The following ARPC3 variants were observed in gnomAD, a reference collection of about 807,000 sequenced individuals.
ARPC3 encodes actin related protein 2/3 complex subunit 3, also known as actin-related protein 2/3 complex subunit 3.
In ARPC3, 12 loss-of-function variants were observed where a neutral mutation model predicts 27.6. The observed-to-expected ratio is 0.43, with a 90% CI of 0.28 to 0.70. ARPC3 has a LOEUF of 0.70. Among genes scored for constraint, ARPC3 ranks in the 30% least tolerant of loss-of-function variants. ARPC3 has a pLI of 0.17. For synonymous variants in ARPC3, 53 were observed against 67.2 expected, an observed-to-expected ratio of 0.79 and a Z score of 1.03; for missense variants, 153 against 207.7, an observed-to-expected ratio of 0.74 and a Z score of 1.62.
At chr12:110,448,463 G>A (rs971554478) in intron 1 of ARPC3, among the ~76,000 whole-genome samples, 3 of 151,928 alleles carry the variant, frequency 2.0e-5, no homozygotes, top group African/African-American at 7.3e-5. Flanking sequence ...GACTGCTTGA[G>A]CCCAGAAGTT....
chr12:110,445,332 A>T (rs2062458242), intron 2 of ARPC3, 120 bp downstream of exon 2: 4 of 786,920 alleles, frequency 5.1e-6, no homozygotes, highest in Middle Eastern at 3.5e-4. Flanking sequence ...GTATCTACCA[A>T]GCAAAGTACA....
At chr12:110,442,479 G>A (rs1276354467) in intron 2 of ARPC3, among the ~76,000 whole-genome samples, 1 of 152,020 alleles carries the variant, frequency 6.6e-6, no homozygotes, top group Non-Finnish European at 1.5e-5. Context: ...ATGGTGGTAC[G>A]TGCCTGTAAT....
intron 2 of ARPC3, among the ~76,000 whole-genome samples, chr12:110,441,565 CTG>C (rs2062437843): frequency 6.6e-6 from 1 of 152,060 alleles, no homozygotes. Flanking sequence ...AGGTCTTGCT[CTG>C]TTACCCGGGC....
chr12:110,440,612 T>C (rs1284609327), intron 2 of ARPC3: 7 of 432,720 alleles, frequency 1.6e-5, no homozygotes, highest in African/African-American at 4.1e-5. Context: ...AGTGGCGTGA[T>C]CTTGGCTCAC....
intron 1 of ARPC3, among the ~76,000 whole-genome samples, chr12:110,447,502 G>T (rs979784825): frequency 6.6e-6 from 1 of 151,898 alleles, no homozygotes; most frequent in Non-Finnish European, 1.5e-5. Flanking sequence ...GGGATGGGCG[G>T]GGTGGCTCAC....
rs2062406171 is a variant in ARPC3 at position 110,436,687 on chromosome 12, G to GAGA, written c.253-5_253-4insTCT. The GAGA allele has an allele frequency of 1.3e-6, 1 of 783,966 alleles. No homozygotes were observed. The highest frequency in any genetic ancestry group is 2.7e-5 in the African/African-American group (1 of 36,476). 48.6% of individuals were successfully genotyped at this position (783,966 alleles called of 1,614,324 possible). A position where few individuals can be genotyped will look rare whatever the true frequency, so the allele number is the denominator to read the frequency against. ...CACCTTGGCTTTTGGAATTGCACTGGAAAAAAAAATATATATATATATATA... is the reference window on the plus strand; with the variant it reads ...CACCTTGGCTTTTGGAATTGCACTGGAGAAAAAAAAAATATATATATATATATA... On this transcript the variant is annotated splice_polypyrimidine_tract_variant and splice_region_variant and intron_variant, in intron 4 of 6. Transcript: ENST00000228825.
At chr12:110,436,915 C>T (rs2062409466) in intron 4 of ARPC3, 169 bp downstream of exon 4, 3 of 688,716 alleles carry the variant, frequency 4.4e-6, no homozygotes, top group African/African-American at 3.6e-5. Flanking sequence ...GTCAATTATA[C>T]TACAAGTTCA....
rs374261283 is a variant in ARPC3 at position 110,436,645 on chromosome 12, C to A, written c.291G>T (p.Thr97=). 18 of 1,587,264 alleles carry A rather than the reference C, an allele frequency of 1.1e-5. No homozygotes were observed. Among genetic ancestry groups the A allele is most frequent in the Non-Finnish European group, 1.5e-5 (17 of 1,165,578 alleles). ...SKSQGEKEMY[T]LGITNFPIPG... ...GAATGGGAAAATTAGTGATTCCCAG[C>A]GTATACATTTCTTTCTCACCTTGGC... The change falls in exon 5 of 7, where the codon ACG becomes ACT. Residue 97 remains threonine (T), a synonymous_variant. Transcript: ENST00000228825.
At position 110,442,465 on chromosome 12, in the gene ARPC3, G is replaced by A. The variant is rs572712898; in HGVS notation, c.107-2077C>T. Among the ~76,000 whole-genome samples the A allele has an allele frequency of 2.2e-4, 34 of 151,962 alleles. No individual in the cohort carries two copies. In the South Asian group the frequency reaches 5.6e-3, roughly 25 times the overall value. On this transcript the variant is annotated intron_variant, in intron 2 of 6. Transcript: ENST00000228825. ...TCTACTAAAAATACAAAAACTAGCCGGGCATGGTGGTACGTGCCTGTAATC... is the reference window on the plus strand; with the variant it reads ...TCTACTAAAAATACAAAAACTAGCCAGGCATGGTGGTACGTGCCTGTAATC...
intron 3 of ARPC3, among the ~76,000 whole-genome samples, chr12:110,439,688 G>T (rs374085786): frequency 3.0e-4 from 46 of 152,280 alleles, no homozygotes; most frequent in African/African-American, 1.0e-3. Flanking sequence ...CAAAAAATTA[G>T]CCAGGTGTGG....
intron 2 of ARPC3, among the ~76,000 whole-genome samples, chr12:110,443,311 G>A (rs1308656867): frequency 6.6e-6 from 1 of 151,942 alleles, no homozygotes; most frequent in Non-Finnish European, 1.5e-5. Flanking sequence ...GTAGAGATGG[G>A]GTTTCACCGT....
intron 6 of ARPC3, among the ~76,000 whole-genome samples, chr12:110,435,734 T>C (rs2062399949): frequency 2.0e-5 from 3 of 152,040 alleles, no homozygotes; most frequent in African/African-American, 2.4e-5. Flanking sequence ...AGCGACTCTC[T>C]TGTCTCAGCC....
intron 3 of ARPC3, among the ~76,000 whole-genome samples, chr12:110,439,912 T>C (rs968040598): frequency 6.7e-6 from 1 of 149,092 alleles, no homozygotes; most frequent in African/African-American, 2.5e-5. Context: ...TAGCAAGGGG[T>C]TGGCAAACTT....
At chr12:110,449,293 T>A (rs2062485549) in intron 1 of ARPC3, among the ~76,000 whole-genome samples, 3 of 151,918 alleles carry the variant, frequency 2.0e-5, no homozygotes, top group Admixed American at 2.0e-4. Flanking sequence ...CTGGGCGCGA[T>A]GGCTCACGCT....
At chr12:110,440,570 A>G (rs1020112505) in intron 2 of ARPC3, 182 bp from the exon 3 acceptor site, 1 of 545,630 alleles carries the variant, frequency 1.8e-6, no homozygotes. Context: ...TTTTTGAGAC[A>G]GAGTCTCGCT....
chr12:110,447,131 G>C (rs1419538692), intron 1 of ARPC3, among the ~76,000 whole-genome samples: 2 of 152,130 alleles, frequency 1.3e-5, no homozygotes, highest in Non-Finnish European at 2.9e-5. Flanking sequence ...TATCTTTTCA[G>C]CTCTGCCACT....
At chr12:110,445,387 T>C (rs909256628) in intron 2 of ARPC3, 65 bp downstream of exon 2, 12 of 1,270,744 alleles carry the variant, frequency 9.4e-6, no homozygotes, top group South Asian at 1.2e-5. Flanking sequence ...TTTTCTGATT[T>C]GATCATTTCA....
Position 110,438,426 on chromosome 12 carries a change from T to C in ARPC3, c.184-1274A>G, listed in dbSNP as rs372759023. Among the ~76,000 whole-genome samples, 7 of 150,598 alleles carry C rather than the reference T, an allele frequency of 4.6e-5. No homozygotes were observed. The South Asian group carries it at 8.4e-4, about 18-fold the overall frequency. ...CATCCTGGCCAACGTGGTGAAACCC[T>C]GTCCCTACCAAAAAATACAAAAATT... On this transcript the variant is annotated intron_variant, in intron 3 of 6. Coordinates refer to ENST00000228825, the MANE Select transcript of ARPC3 (RefSeq NM_001278556.2).
chr12:110,439,486 AT>A (rs1173368248), intron 3 of ARPC3, among the ~76,000 whole-genome samples: 4 of 152,206 alleles, frequency 2.6e-5, no homozygotes, highest in Non-Finnish European at 5.9e-5. Flanking sequence ...CAAATAAATA[AT>A]TCACAACCTG....
Sources: gnomAD v4.1 joint callset for allele counts (sites outside exome capture counted in the v4.1 genomes callset) on GRCh38, gnomAD v4.1.1 for gene constraint, MANE v1.5 for transcripts, NCBI Gene and HGNC (gene_info 2026-07-23, HGNC 2026-07-21) for gene names.